The following TTC6 variants were observed in gnomAD, a reference collection of about 807,000 sequenced individuals.
TTC6 encodes tetratricopeptide repeat domain 6, also known as tetratricopeptide repeat protein 6.
Under a neutral mutation model 210.4 loss-of-function variants are expected in TTC6, and 172 were observed. The observed-to-expected ratio is 0.82, with a 90% CI of 0.72 to 0.93. The LOEUF is 0.93. TTC6 is among the 40% of genes least tolerant of loss of function. The pLI is 0.00. For synonymous variants in TTC6, 804 were observed against 819.6 expected (o/e 0.98, Z 0.32); for missense variants, 2,414 against 2,318.1 (o/e 1.04, Z -0.85).
intron 4 of TTC6, among the ~76,000 whole-genome samples, chr14:37,698,036 T>C (rs1341419264): frequency 6.6e-6 from 1 of 152,010 alleles, no homozygotes; most frequent in Non-Finnish European, 1.5e-5. Flanking sequence ...ATCTTGTTGA[T>C]ATATATATAT....
Position 37,753,945 on chromosome 14 carries a change from G to A in TTC6, c.3266+710G>A, listed in dbSNP as rs181112228. On this transcript the variant is annotated intron_variant, in intron 14 of 30. Coordinates refer to ENST00000553443, the Ensembl canonical transcript of TTC6. ...TTCGTGCATTGTACCGTTTTCATTT[G>A]TACATAGCATAGTTTTCATTTTGTT... Among the ~76,000 whole-genome samples the A allele has an allele frequency of 1.5e-3, 227 of 151,646 alleles. 1 individual carries two copies. The highest frequency in any genetic ancestry group is 5.3e-3 in the African/African-American group (219 of 41,366).
At chr14:37,622,772 C>G in exon 1 of TTC6, 1 of 1,534,802 alleles carries the variant, frequency 6.5e-7, no homozygotes, top group Non-Finnish European at 8.7e-7. Context: ...AGAGCGGGGC[C>G]CGCGAGGCGC....
At chr14:37,742,865 C>T (rs1221550652) in intron 10 of TTC6, among the ~76,000 whole-genome samples, 1 of 152,196 alleles carries the variant, frequency 6.6e-6, no homozygotes, top group Non-Finnish European at 1.5e-5. Context: ...CTAGGCCGAG[C>T]TACTTAATTT....
chr14:37,722,486 T>C (rs1019180213), intron 6 of TTC6, among the ~76,000 whole-genome samples: 6 of 152,200 alleles, frequency 3.9e-5, no homozygotes, highest in Admixed American at 2.0e-4. Context: ...TAGCTAGGAC[T>C]ACAGGCACAT....
At chr14:37,780,430 G>C (rs1317252277) in intron 14 of TTC6, among the ~76,000 whole-genome samples, 3 of 152,098 alleles carry the variant, frequency 2.0e-5, no homozygotes, top group Non-Finnish European at 2.9e-5. Context: ...GCCCCAGTGT[G>C]TGTTGTTCCC....
intron 27 of TTC6, among the ~76,000 whole-genome samples, chr14:37,824,453 C>T (rs1477924609): frequency 1.3e-5 from 2 of 152,178 alleles, no homozygotes; most frequent in African/African-American, 2.4e-5. Flanking sequence ...GAGCTGACTG[C>T]AATCCAGTGA....
chr14:37,695,600 G>C (rs917620504), intron 3 of TTC6, among the ~76,000 whole-genome samples: 1 of 152,060 alleles, frequency 6.6e-6, no homozygotes, highest in Non-Finnish European at 1.5e-5. Context: ...TGATCTGCCC[G>C]CCTTGGCCTC....
In TTC6 at chr14:37,661,653, G is replaced by T. The variant is rs177887; in HGVS notation, c.940-18498G>T. 3.8e-3 allele frequency among the ~76,000 whole-genome samples: 574 copies of T among 152,180 alleles called. 8 individuals carry two copies. Among genetic ancestry groups the T allele is most frequent in the African/African-American group, 0.012 (518 of 41,518 alleles). The stretch of plus-strand genomic sequence containing the variant: ...TCTTAGAATTGTCTTGGCTATATGG[G>T]CTCTTTTTTGGTTCCATATGAACTT... On this transcript the variant is annotated intron_variant, in intron 1 of 30. Coordinates refer to ENST00000553443, the Ensembl canonical transcript of TTC6.
intron 29 of TTC6, among the ~76,000 whole-genome samples, chr14:37,838,283 C>G (rs1270367848): frequency 2.6e-5 from 4 of 152,122 alleles, no homozygotes; most frequent in Non-Finnish European, 5.9e-5. Flanking sequence ...ATATACATTG[C>G]TAAAACCCAA....
chr14:37,816,593 T>C (rs1369570259), intron 25 of TTC6, among the ~76,000 whole-genome samples: 1 of 152,142 alleles, frequency 6.6e-6, no homozygotes, highest in Non-Finnish European at 1.5e-5. Flanking sequence ...AGCAGTCTTC[T>C]GGGGAAAAAG....
intron 5 of TTC6, among the ~76,000 whole-genome samples, chr14:37,711,742 C>T (rs545939968): frequency 9.2e-5 from 14 of 152,038 alleles, no homozygotes; most frequent in African/African-American, 2.7e-4. Flanking sequence ...CTGATAACAA[C>T]AGTTGCAGGG....
At chr14:37,757,866 T>G (rs1251815639) in intron 14 of TTC6, among the ~76,000 whole-genome samples, 1 of 152,218 alleles carries the variant, frequency 6.6e-6, no homozygotes, top group Non-Finnish European at 1.5e-5. Flanking sequence ...TCCCAGAGAT[T>G]CTGGTATGTT....
intron 5 of TTC6, among the ~76,000 whole-genome samples, chr14:37,704,628 G>A (rs1426465635): frequency 6.6e-6 from 1 of 151,486 alleles, no homozygotes; most frequent in Non-Finnish European, 1.5e-5. Context: ...TAAAATTTTA[G>A]TTATTTGCCG....
intron 29 of TTC6, among the ~76,000 whole-genome samples, chr14:37,834,589 T>A (rs1389409890): frequency 6.6e-6 from 1 of 152,190 alleles, no homozygotes; most frequent in Non-Finnish European, 1.5e-5. Flanking sequence ...AAGTTTTTTT[T>A]ATTTCTTTGT....
At chr14:37,778,672 A>T (rs1247149803) in intron 14 of TTC6, among the ~76,000 whole-genome samples, 5 of 152,030 alleles carry the variant, frequency 3.3e-5, no homozygotes, top group Non-Finnish European at 2.9e-5. Context: ...TGTCATCTGG[A>T]ACTGCTCTGC....
intron 22 of TTC6, among the ~76,000 whole-genome samples, chr14:37,806,988 G>T (rs73254879): frequency 6.6e-6 from 1 of 152,084 alleles, no homozygotes; most frequent in Non-Finnish European, 1.5e-5. Flanking sequence ...GGTTATGTAC[G>T]AGAATGTCTT....
intron 26 of TTC6, among the ~76,000 whole-genome samples, 200 bp downstream of exon 28, chr14:37,817,851 T>C (rs1254879531): frequency 1.3e-5 from 2 of 152,194 alleles, no homozygotes; most frequent in African/African-American, 4.8e-5. Flanking sequence ...AGCACCCTTC[T>C]GCCTTCTAAT....
At chr14:37,817,846 C>G (rs1304716373) in intron 26 of TTC6, among the ~76,000 whole-genome samples, 195 bp downstream of exon 28, 3 of 152,140 alleles carry the variant, frequency 2.0e-5, no homozygotes, top group Non-Finnish European at 2.9e-5. Flanking sequence ...TCCTCAGCAC[C>G]CTTCTGCCTT....
intron 5 of TTC6, among the ~76,000 whole-genome samples, chr14:37,708,136 G>A (rs540043603): frequency 6.6e-6 from 1 of 151,998 alleles, no homozygotes; most frequent in African/African-American, 2.4e-5. Flanking sequence ...CATTATAGAT[G>A]TTATTTTGAT....
Sources: gnomAD v4.1 joint callset for allele counts (sites outside exome capture counted in the v4.1 genomes callset) on GRCh38, gnomAD v4.1.1 for gene constraint, MANE v1.5 for transcripts, NCBI Gene and HGNC (gene_info 2026-07-23, HGNC 2026-07-21) for gene names.